Variants in ABLIM1 observed in about 807,000 individuals in gnomAD.
The protein encoded by ABLIM1 is actin-binding LIM protein 1.
Under a neutral mutation model 107.0 loss-of-function variants are expected in ABLIM1, and 40 were observed. The observed-to-expected ratio is 0.37, with a 90% confidence interval of 0.29 to 0.49. The LOEUF (loss-of-function observed/expected upper bound fraction) is 0.49. ABLIM1 is among the 20% of genes least tolerant of loss of function. ABLIM1 has a pLI of 0.97. For synonymous variants in ABLIM1, 357 were observed against 357.3 expected (o/e 1.00, Z 0.01); for missense variants, 857 against 1,008.5 (o/e 0.85, Z 2.04).
At chr10:114,660,348 C>T (rs890218159), upstream of ABLIM1, among the ~76,000 whole-genome samples, 3 of 152,058 alleles carry the variant, frequency 2.0e-5, no homozygotes, top group African/African-American at 4.8e-5. Context: ...GTGCAGTGTA[C>T]ACTGCTAGGG....
At chr10:114,482,935 A>G (rs2057596997) in intron 8 of ABLIM1, among the ~76,000 whole-genome samples, 1 of 152,156 alleles carries the variant, frequency 6.6e-6, no homozygotes, top group African/African-American at 2.4e-5. Flanking sequence ...TTAACAGTAT[A>G]CTACTGGAAA....
At chr10:114,451,715 T>C in intron 13 of ABLIM1, 44 bp from the exon 14 acceptor site, 1 of 1,528,532 alleles carries the variant, frequency 6.5e-7, no homozygotes. Context: ...GGGAACCAGT[T>C]CAGCGATGGG....
intron 2 of ABLIM1, among the ~76,000 whole-genome samples, chr10:114,586,626 C>T (rs1004901339): frequency 2.6e-5 from 4 of 152,276 alleles, no homozygotes; most frequent in African/African-American, 9.6e-5. Flanking sequence ...TAAACTCTAA[C>T]CTTGAAGGCA....
chr10:114,440,940 C>T lies in ABLIM1; in HGVS notation c.2059+77G>A, dbSNP rs541332756. On this transcript the variant is annotated intron_variant, in intron 19 of 22. Coordinates refer to ENST00000533213, the MANE Select transcript of ABLIM1 (RefSeq NM_002313.7). ...AGGATACAATACAGCATGAACACAGCCAGTATACTTGACTCTCATGAACCT... is the reference window on the plus strand; with the variant it reads ...AGGATACAATACAGCATGAACACAGTCAGTATACTTGACTCTCATGAACCT... 3.0e-6 allele frequency: 4 copies of T among 1,348,860 alleles called. No homozygotes were observed. In the African/African-American group the frequency reaches 4.3e-5, roughly 15 times the overall value. The allele number at this position is 1,348,860 out of a possible 1,614,324, so 83.6% of individuals were successfully genotyped here.
At chr10:114,632,530 A>G (rs1278353322) in intron 1 of ABLIM1, 11 of 985,302 alleles carry the variant, frequency 1.1e-5, no homozygotes, top group Non-Finnish European at 1.3e-5. Context: ...GGCAATTTCA[A>G]GTTCACTTTC....
At chr10:114,796,040 T>C in the ABLIM1 span, among the ~76,000 whole-genome samples, 23 of 152,194 alleles carry the variant, frequency 1.5e-4, no homozygotes, top group Non-Finnish European at 1.5e-5. Flanking sequence ...TCCTCAGATA[T>C]GTGTGATCTT....
intron 6 of ABLIM1, among the ~76,000 whole-genome samples, chr10:114,542,062 G>A (rs565865719): frequency 1.6e-4 from 25 of 152,218 alleles, no homozygotes; most frequent in African/African-American, 3.9e-4. Flanking sequence ...GTATTTTCTC[G>A]TCTCTCTTTG....
chr10:114,691,756 T>C (rs1431231824), intron 1 of ABLIM1, among the ~76,000 whole-genome samples: 2 of 152,240 alleles, frequency 1.3e-5, no homozygotes, highest in African/African-American at 4.8e-5. Flanking sequence ...AACTTCCACA[T>C]TCATTACCAT....
intron 22 of ABLIM1, 24 bp from the exon 23 acceptor site, chr10:114,436,397 G>A (rs776769129): frequency 4.5e-5 from 65 of 1,455,030 alleles, no homozygotes; most frequent in Non-Finnish European, 6.1e-5. Flanking sequence ...AAAAAAAAAA[G>A]AGCTGCTGTC....
intron 1 of ABLIM1, among the ~76,000 whole-genome samples, chr10:114,636,536 T>C (rs1299056871): frequency 6.6e-6 from 1 of 152,184 alleles, no homozygotes; most frequent in Non-Finnish European, 1.5e-5. Flanking sequence ...AATGGATGCA[T>C]AGGAAGTGTC....
chr10:114,798,550 G>A, the ABLIM1 span, among the ~76,000 whole-genome samples: 2 of 107,632 alleles, frequency 1.9e-5, no homozygotes, highest in Non-Finnish European at 3.9e-5. Flanking sequence ...TGGGCAAGAT[G>A]ATGAGACCCC....
rs1364006274 is a variant in ABLIM1 at position 114,597,092 on chromosome 10, T to C, written c.379+4735A>G. Among the ~76,000 whole-genome samples, 5 of 152,180 alleles carry C rather than the reference T, an allele frequency of 3.3e-5. No homozygotes were observed. The East Asian group carries it at 9.6e-4, about 29-fold the overall frequency. ...CATGCTCCCCACCCAAAATCCTCTG[T>C]CCCAGGACATCAGCTCAGTACCCGA... is the stretch of plus-strand genomic sequence containing the variant. On this transcript the variant is annotated intron_variant, in intron 2 of 22. Transcript: ENST00000533213.
At chr10:114,572,200 A>G (rs1322205492) in intron 3 of ABLIM1, among the ~76,000 whole-genome samples, 1 of 152,230 alleles carries the variant, frequency 6.6e-6, no homozygotes, top group Admixed American at 6.5e-5. Flanking sequence ...TGGCCTATGT[A>G]CCAATAATCT....
chr10:114,451,196 G>A (rs916888667), intron 14 of ABLIM1, among the ~76,000 whole-genome samples: 4 of 152,264 alleles, frequency 2.6e-5, no homozygotes, highest in African/African-American at 9.6e-5. Flanking sequence ...CTGGAGACCT[G>A]GACAGCCAAG....
intron 12 of ABLIM1, among the ~76,000 whole-genome samples, chr10:114,456,222 A>G (rs534301704): frequency 9.8e-5 from 15 of 152,288 alleles, no homozygotes; most frequent in Admixed American, 4.6e-4. Context: ...TAATATTTCA[A>G]TTCACTTAAG....
intron 1 of ABLIM1, among the ~76,000 whole-genome samples, chr10:114,635,311 G>A (rs968492206): frequency 3.9e-5 from 6 of 152,200 alleles, no homozygotes; most frequent in South Asian, 2.1e-4. Context: ...AAATTCAAGC[G>A]TACATCATTT....
chr10:114,782,252 C>T, the ABLIM1 span, among the ~76,000 whole-genome samples: 1 of 152,066 alleles, frequency 6.6e-6, no homozygotes, highest in African/African-American at 2.4e-5. Context: ...AATACTTTTT[C>T]ATTATTTATT....
chr10:114,626,290 C>T (rs1052427642), intron 1 of ABLIM1, among the ~76,000 whole-genome samples: 5 of 152,172 alleles, frequency 3.3e-5, no homozygotes, highest in African/African-American at 1.2e-4. Flanking sequence ...GACCCAGCAG[C>T]TTGAGGCAGA....
At chr10:114,458,968 A>G (rs899173753) in intron 12 of ABLIM1, among the ~76,000 whole-genome samples, 1 of 152,264 alleles carries the variant, frequency 6.6e-6, no homozygotes, top group Non-Finnish European at 1.5e-5. Context: ...AAATAAAAAT[A>G]CACCCAACCA....
Sources: gnomAD v4.1 joint callset for allele counts (sites outside exome capture counted in the v4.1 genomes callset) on GRCh38, gnomAD v4.1.1 for gene constraint, MANE v1.5 for transcripts, NCBI Gene and HGNC (gene_info 2026-07-23, HGNC 2026-07-21) for gene names.